Variants in MAP2K5 observed in about 807,000 individuals in gnomAD.
MAP2K5 encodes dual specificity mitogen-activated protein kinase kinase 5.
A neutral mutation model predicts 83.1 loss-of-function variants in MAP2K5; 49 were observed. That is an observed-to-expected ratio of 0.59 (90% CI 0.47 to 0.75). The LOEUF (loss-of-function observed/expected upper bound fraction) is 0.75. MAP2K5 is among the 30% of genes least tolerant of loss of function. The pLI is 0.00. For missense variants in MAP2K5, 457 were observed against 557.5 expected (o/e 0.82, Z 1.82); for synonymous variants, 202 against 191.8 (o/e 1.05, Z -0.44).
rs2141336773 is a variant in MAP2K5 at position 67,794,476 on chromosome 15, G to T, written c.1243-12170G>T. Among the ~76,000 whole-genome samples, 1 of 152,112 alleles carries T rather than the reference G, an allele frequency of 6.6e-6. No homozygotes were observed. The highest frequency in any genetic ancestry group is 1.5e-5 in the Non-Finnish European group (1 of 68,014). ...TTGGTCGCTAATAGCAGAAACTTGA[G>T]AATAATTGGTAATTTTCAATCCTGT... On this transcript the variant is annotated intron_variant, in intron 21 of 21. Transcript: ENST00000178640. This position sits in a 1 kb window ranked among gnomAD's most constrained non-coding sequence, Gnocchi z 4.6.
chr15:67,601,411 C>T (rs145738962), intron 8 of MAP2K5, among the ~76,000 whole-genome samples: 3 of 152,136 alleles, frequency 2.0e-5, no homozygotes, highest in Non-Finnish European at 4.4e-5. Context: ...AATGTAATAT[C>T]TGGTACTTAA....
At chr15:67,744,770 G>A (rs923989710) in intron 17 of MAP2K5, among the ~76,000 whole-genome samples, 2 of 152,150 alleles carry the variant, frequency 1.3e-5, no homozygotes, top group African/African-American at 4.8e-5. Context: ...CTTCTACATT[G>A]GCAATTTCCT....
At chr15:67,805,410 G>T (rs1597002526) in intron 21 of MAP2K5, among the ~76,000 whole-genome samples, 1 of 152,244 alleles carries the variant, frequency 6.6e-6, no homozygotes, top group Admixed American at 6.5e-5. Flanking sequence ...AGGCGCTGAG[G>T]TTGGGACAGC....
intron 21 of MAP2K5, among the ~76,000 whole-genome samples, chr15:67,803,001 C>T (rs1442257601): frequency 3.3e-5 from 5 of 152,264 alleles, no homozygotes; most frequent in African/African-American, 9.6e-5. Flanking sequence ...TCTAGCCCAA[C>T]TGCCTGGTTG....
rs542078824 is a variant in MAP2K5, at chr15:67,690,127, C to G, written c.848-2352C>G. On this transcript the variant is annotated intron_variant, in intron 13 of 21. Transcript: ENST00000178640. The surrounding 1 kb of genome is among the most constrained non-coding windows in gnomAD (Gnocchi z 4.3). ...CAGGGAAGCCAAAAGATTGTACACCCCTAGTTTAGGACATCAATATGTAAA... is the reference window on the plus strand; with the variant it reads ...CAGGGAAGCCAAAAGATTGTACACCGCTAGTTTAGGACATCAATATGTAAA... 6.6e-6 allele frequency among the ~76,000 whole-genome samples: 1 copy of G among 152,030 alleles called. No homozygotes were observed. Among genetic ancestry groups the G allele is most frequent in the South Asian group, 2.1e-4 (1 of 4,824 alleles).
At chr15:67,588,201 C>G in intron 6 of MAP2K5, 2 of 521,278 alleles carry the variant, frequency 3.8e-6, no homozygotes, top group Non-Finnish European at 4.9e-6. Context: ...ACCTCTGTAC[C>G]CCATCCCACC....
chr15:67,582,152 C>T (rs76449377), intron 4 of MAP2K5, among the ~76,000 whole-genome samples: 1 of 149,924 alleles, frequency 6.7e-6, no homozygotes, highest in Non-Finnish European at 1.5e-5. Flanking sequence ...ACCTCTGACT[C>T]CCTGGTTCAA....
chr15:67,725,112 A>G (rs1290951667), intron 16 of MAP2K5, among the ~76,000 whole-genome samples: 1 of 152,202 alleles, frequency 6.6e-6, no homozygotes, highest in Non-Finnish European at 1.5e-5. Flanking sequence ...CAGTTCAAGC[A>G]CTGGCACCTG....
chr15:67,629,074 AC>A, intron 8 of MAP2K5: 1 of 739,154 alleles, frequency 1.4e-6, no homozygotes, highest in Non-Finnish European at 2.5e-6. Flanking sequence ...AAACCATGAA[AC>A]CAAGGTGGCC....
At chr15:67,616,002 A>G (rs1354020749) in intron 8 of MAP2K5, among the ~76,000 whole-genome samples, 3 of 152,180 alleles carry the variant, frequency 2.0e-5, no homozygotes, top group Non-Finnish European at 4.4e-5. Flanking sequence ...TCATGTGGGT[A>G]TCTCCTAATA....
intron 8 of MAP2K5, among the ~76,000 whole-genome samples, chr15:67,608,263 T>A (rs2085825161): frequency 6.6e-6 from 1 of 152,176 alleles, no homozygotes; most frequent in African/African-American, 2.4e-5. Flanking sequence ...TTCTGGGTGC[T>A]GAGTTTACAG....
chr15:67,575,653 G>A (rs1377187148), intron 3 of MAP2K5, among the ~76,000 whole-genome samples: 2 of 152,176 alleles, frequency 1.3e-5, no homozygotes, highest in Admixed American at 6.5e-5. Context: ...TGCCCTGAGT[G>A]CATGGCATGG....
intron 11 of MAP2K5, among the ~76,000 whole-genome samples, chr15:67,658,178 C>G (rs1234008335): frequency 6.6e-6 from 1 of 152,042 alleles, no homozygotes; most frequent in Non-Finnish European, 1.5e-5. Flanking sequence ...AGATATTACC[C>G]TGGTTTACAT....
At chr15:67,656,973 A>G (rs2087098716) in intron 11 of MAP2K5, among the ~76,000 whole-genome samples, 1 of 152,218 alleles carries the variant, frequency 6.6e-6, no homozygotes, top group Admixed American at 6.5e-5. Context: ...GATCTGCTAC[A>G]TCATTTTTTC....
chr15:67,549,505 C>T (rs1373504972), intron 1 of MAP2K5, among the ~76,000 whole-genome samples: 1 of 152,194 alleles, frequency 6.6e-6, no homozygotes, highest in Non-Finnish European at 1.5e-5. Context: ...TGTTGTATAT[C>T]AGGAACTACA....
At chr15:67,696,333 C>T (rs1051279572) in intron 15 of MAP2K5, among the ~76,000 whole-genome samples, 1 of 152,134 alleles carries the variant, frequency 6.6e-6, no homozygotes, top group African/African-American at 2.4e-5. Flanking sequence ...CATGACCACA[C>T]CCATTTGCTT....
Position 67,725,830 on chromosome 15 carries a change from ACT to A in MAP2K5, c.1045-2083_1045-2082del, listed in dbSNP as rs371832604. The stretch of plus-strand genomic sequence containing the variant: ...TAATTCCTCCTGAATCAGTGTGCAC[ACT>A]CTGATTGGCCAGAAACAAACTATTT... On this transcript the variant is annotated intron_variant, in intron 16 of 21. Coordinates refer to ENST00000178640, the MANE Select transcript of MAP2K5 (RefSeq NM_145160.3). 4.7e-3 allele frequency among the ~76,000 whole-genome samples: 716 copies of A among 152,200 alleles called. 3 individuals carry two copies. The highest frequency in any genetic ancestry group is 0.012 in the African/African-American group (516 of 41,500).
intron 21 of MAP2K5, among the ~76,000 whole-genome samples, chr15:67,805,354 A>G (rs902562113): frequency 6.6e-6 from 1 of 152,188 alleles, no homozygotes; most frequent in African/African-American, 2.4e-5. Flanking sequence ...CAGAGGGGCC[A>G]TGCCGTCCCC....
intron 9 of MAP2K5, among the ~76,000 whole-genome samples, chr15:67,639,787 C>T (rs1430492971): frequency 6.6e-6 from 1 of 152,226 alleles, no homozygotes; most frequent in Non-Finnish European, 1.5e-5. Flanking sequence ...TATCTGAACT[C>T]AGGCACTTTC....
Sources: gnomAD v4.1 joint callset for allele counts (sites outside exome capture counted in the v4.1 genomes callset) on GRCh38, gnomAD v4.1.1 for gene constraint, Gnocchi (gnomAD v3.1) non-coding constraint, MANE v1.5 for transcripts, NCBI Gene and HGNC (gene_info 2026-07-23, HGNC 2026-07-21) for gene names.